Variants in SSBP2 observed in about 807,000 individuals in gnomAD.
SSBP2 encodes single stranded DNA binding protein 2, also known as single-stranded DNA-binding protein 2.
SSBP2 carries 17 observed loss-of-function variants against 61.8 expected under a neutral mutation model. The ratio of observed to expected loss-of-function variants is 0.28; its 90% CI spans 0.19 to 0.41. The LOEUF is 0.41. SSBP2 is among the 10% of genes least tolerant of loss of function. The probability of loss-of-function intolerance (pLI) is 1.00; values close to 1 mark genes in which losing one functional copy is unlikely to be tolerated. For missense variants in SSBP2, 310 were observed against 458.7 expected (o/e 0.68, Z 2.96); for synonymous variants, 139 against 141.3 (o/e 0.98, Z 0.12).
chr5:81,487,064 A>G (rs968839312), intron 6 of SSBP2, among the ~76,000 whole-genome samples: 1 of 152,174 alleles, frequency 6.6e-6, no homozygotes, highest in African/African-American at 2.4e-5. Flanking sequence ...TTCTTGTTCC[A>G]TTTCTGGTAA....
intron 5 of SSBP2, among the ~76,000 whole-genome samples, chr5:81,495,752 T>C (rs1767227187): frequency 6.6e-6 from 1 of 152,186 alleles, no homozygotes; most frequent in Non-Finnish European, 1.5e-5. Context: ...TCACCTTATA[T>C]CTCATTATAT....
At chr5:81,467,102 G>A (rs1764943315) in intron 8 of SSBP2, 37 bp from the exon 9 acceptor site, 2 of 1,427,906 alleles carry the variant, frequency 1.4e-6, no homozygotes, top group Non-Finnish European at 9.8e-7. Context: ...AAAGAGGAGG[G>A]GGGAAAGAAA....
intron 1 of SSBP2, among the ~76,000 whole-genome samples, chr5:81,746,842 A>C (rs946517824): frequency 6.6e-6 from 1 of 152,120 alleles, no homozygotes; most frequent in Non-Finnish European, 1.5e-5. Context: ...TGTGCTTTAC[A>C]TAAAAGATCA....
At chr5:81,749,415 G>A (rs1238907371) in intron 1 of SSBP2, among the ~76,000 whole-genome samples, 1 of 152,070 alleles carries the variant, frequency 6.6e-6, no homozygotes, top group Non-Finnish European at 1.5e-5. Flanking sequence ...CCCATCCCTA[G>A]GGCACACAAA....
intron 4 of SSBP2, among the ~76,000 whole-genome samples, chr5:81,591,301 A>G (rs1335153448): frequency 1.3e-5 from 2 of 152,212 alleles, no homozygotes; most frequent in Admixed American, 6.5e-5. Context: ...AAGAACCGGA[A>G]AAAGAGGAGG....
chr5:81,624,088 A>G (rs1409392373), intron 3 of SSBP2, among the ~76,000 whole-genome samples: 1 of 152,196 alleles, frequency 6.6e-6, no homozygotes. Flanking sequence ...CTATCATTCT[A>G]AAGATCAGTA....
At chr5:81,478,396 A>G (rs1765738622) in intron 6 of SSBP2, among the ~76,000 whole-genome samples, 1 of 151,968 alleles carries the variant, frequency 6.6e-6, no homozygotes, top group Admixed American at 6.6e-5. Flanking sequence ...GCTGGAGTGC[A>G]GTGGTGCAAT....
intron 6 of SSBP2, among the ~76,000 whole-genome samples, chr5:81,474,915 GTAAA>G (rs1307782234): frequency 6.6e-6 from 1 of 152,022 alleles, no homozygotes; most frequent in Admixed American, 6.6e-5. Flanking sequence ...CTTCTTACAT[GTAAA>G]TTCCCTATTT....
intron 6 of SSBP2, among the ~76,000 whole-genome samples, chr5:81,479,939 T>C (rs2154030182): frequency 6.6e-6 from 1 of 152,276 alleles, no homozygotes; most frequent in South Asian, 2.1e-4. Context: ...CCTACAGTCA[T>C]TTCCCATTCC....
At chr5:81,440,729 A>G in intron 13 of SSBP2, 93 bp from the exon 14 acceptor site, 1 of 878,126 alleles carries the variant, frequency 1.1e-6, no homozygotes, top group Non-Finnish European at 1.7e-6. Context: ...AGACACTGCC[A>G]CAACTTATTT....
At chr5:81,560,307 T>A (rs1451179325) in intron 4 of SSBP2, among the ~76,000 whole-genome samples, 1 of 152,202 alleles carries the variant, frequency 6.6e-6, no homozygotes, top group Non-Finnish European at 1.5e-5. Context: ...GAAGCCTTTT[T>A]AAAATTTCAC....
chr5:81,418,758 T>C lies in SSBP2; in HGVS notation c.*1746A>G, dbSNP rs899032434. 6.6e-6 allele frequency: 1 copy of C among 152,200 alleles called. No homozygotes were observed. The highest frequency in any genetic ancestry group is 1.5e-5 in the Non-Finnish European group (1 of 68,038). The allele number at this position is 152,200 out of a possible 1,614,324, so 9.4% of individuals were successfully genotyped here. A position where few individuals can be genotyped will look rare whatever the true frequency, so the allele number is the denominator to read the frequency against. ...TTTGTGTATCTAAGCATAGAAAAGATATGCTAAAAATATGGTATTATAATC... is the reference window on the plus strand; with the variant it reads ...TTTGTGTATCTAAGCATAGAAAAGACATGCTAAAAATATGGTATTATAATC... On this transcript the variant is annotated 3_prime_UTR_variant, in exon 17 of 17. Coordinates refer to ENST00000320672, the MANE Select transcript of SSBP2 (RefSeq NM_012446.5).
At chr5:81,453,174 T>G (rs1049115313) in intron 10 of SSBP2, among the ~76,000 whole-genome samples, 1 of 151,732 alleles carries the variant, frequency 6.6e-6, no homozygotes, top group Non-Finnish European at 1.5e-5. Context: ...GGCATGTGCC[T>G]CTAGTCCCAG....
At chr5:81,607,026 C>CAAA (rs1744943417) in intron 4 of SSBP2, among the ~76,000 whole-genome samples, 1 of 152,166 alleles carries the variant, frequency 6.6e-6, no homozygotes, top group Admixed American at 6.5e-5. Context: ...TTCTAATATA[C>CAAA]ACGCTGAATT....
chr5:81,576,549 T>C (rs953211173), intron 4 of SSBP2, among the ~76,000 whole-genome samples: 1 of 151,980 alleles, frequency 6.6e-6, no homozygotes, highest in African/African-American at 2.4e-5. Flanking sequence ...GGCTTCAGAG[T>C]CTGTGTACTT....
At chr5:81,582,356 A>T (rs186713106) in intron 4 of SSBP2, among the ~76,000 whole-genome samples, 28 of 152,324 alleles carry the variant, frequency 1.8e-4, no homozygotes, top group Non-Finnish European at 3.4e-4. Context: ...TTACTAGTTC[A>T]ATAATTATTC....
At position 81,448,781 on chromosome 5, in the gene SSBP2, T is replaced by C. The variant is rs753521909; in HGVS notation, c.723+9A>G. ...ATTCTTATAAGCAAACAAACCCAAA[T>C]GTACTTACTACATAATTCCCAGGAG... is the stretch of plus-strand genomic sequence containing the variant. On this transcript the variant is annotated intron_variant, in intron 11 of 16. Coordinates refer to ENST00000320672, the MANE Select transcript of SSBP2 (RefSeq NM_012446.5). 1 of 1,612,096 alleles carries C rather than the reference T, an allele frequency of 6.2e-7. No individual in the cohort carries two copies. Among genetic ancestry groups the C allele is most frequent in the Non-Finnish European group, 8.5e-7 (1 of 1,179,004 alleles).
At chr5:81,727,050 T>C (rs985968184) in intron 1 of SSBP2, among the ~76,000 whole-genome samples, 3 of 152,198 alleles carry the variant, frequency 2.0e-5, no homozygotes, top group African/African-American at 7.2e-5. Context: ...CCAGAGAACC[T>C]AAGCATTAAT....
chr5:81,633,027 C>CAGA (rs1017141271), intron 3 of SSBP2, among the ~76,000 whole-genome samples: 72 of 151,310 alleles, frequency 4.8e-4, no homozygotes, highest in Middle Eastern at 3.4e-3. Context: ...CTTCTTCCTT[C>CAGA]AGAAAACCCT....
Sources: allele counts gnomAD v4.1 joint callset (sites outside exome capture counted in the v4.1 genomes callset), GRCh38; gene constraint gnomAD v4.1.1; transcripts MANE v1.5; gene names NCBI Gene and HGNC (gene_info 2026-07-23, HGNC 2026-07-21).